Variants in TCF3 observed in about 807,000 individuals in gnomAD.
TCF3 encodes transcription factor E2-alpha.
TCF3 carries 54 observed loss-of-function variants against 72.3 expected under a neutral mutation model. The observed-to-expected ratio is 0.75, with a 90% CI of 0.60 to 0.94. The LOEUF (loss-of-function observed/expected upper bound fraction) is 0.94, where lower values mean the gene tolerates loss of function less well. Among genes scored for constraint, TCF3 ranks in the 40% least tolerant of loss-of-function variants. The pLI, the probability that TCF3 is intolerant of heterozygous loss-of-function variation, is 0.00. For missense variants in TCF3, 1,078 were observed against 934.4 expected (o/e 1.15, Z -2.00); for synonymous variants, 525 against 412.6 (o/e 1.27, Z -3.30).
At chr19:1,647,933 G>A (rs1428164181) in intron 2 of TCF3, among the ~76,000 whole-genome samples, 2 of 152,176 alleles carry the variant, frequency 1.3e-5, no homozygotes. Context: ...TCTCGCACGC[G>A]GCAGGGCCTG....
chr19:1,635,083 G>A (rs539917039), intron 3 of TCF3, among the ~76,000 whole-genome samples: 2 of 152,314 alleles, frequency 1.3e-5, no homozygotes, highest in African/African-American at 4.8e-5. Flanking sequence ...AAAACTATTG[G>A]TGGACACGGG....
chr19:1,622,640 G>A (rs994235044), intron 8 of TCF3, among the ~76,000 whole-genome samples: 2 of 151,792 alleles, frequency 1.3e-5, no homozygotes, highest in African/African-American at 2.4e-5. Flanking sequence ...CCCACCTCCC[G>A]CCTCCCTGAA....
chr19:1,618,771 C>T (rs2145974133), intron 16 of TCF3, among the ~76,000 whole-genome samples: 1 of 152,358 alleles, frequency 6.6e-6, no homozygotes, highest in Non-Finnish European at 1.5e-5. Context: ...TCCCTGGCAC[C>T]TGTACTGTGC....
chr19:1,627,557 T>C (rs975544455), intron 5 of TCF3, 131 bp from the exon 6 acceptor site: 357 of 779,952 alleles, frequency 4.6e-4, no homozygotes, highest in Admixed American at 9.0e-4. Flanking sequence ...GGCAGGATGC[T>C]GGCAGAGCCT....
At chr19:1,650,485 C>T in intron 1 of TCF3, 198 bp from the exon 2 acceptor site, 1 of 522,900 alleles carries the variant, frequency 1.9e-6, no homozygotes, top group Non-Finnish European at 3.4e-6. Flanking sequence ...AGTCTAGGTC[C>T]CTGCAGAGTC....
In TCF3 at chr19:1,646,420, G is replaced by C; in HGVS notation, c.80C>G (p.Pro27Arg). The C allele has an allele frequency of 1.3e-6, 2 of 1,550,182 alleles. No individual in the cohort carries two copies. The highest frequency in any genetic ancestry group is 2.7e-5 in the African/African-American group (2 of 73,118). Residue 27 changes from proline (P) to arginine (R), a missense_variant, in exon 3 of 19, where the codon CCG (proline) becomes CGG (arginine). Transcript: ENST00000262965. ...SDLLDFSMMFPLPVTNGKGRP... is the reference protein window; with the variant it reads ...SDLLDFSMMFRLPVTNGKGRP... ...GCCCTTCCCGTTGGTGACAGGCAGC[G>C]GGAACATCTGCAGGGAGGGGAGGGG...
intron 11 of TCF3, 83 bp downstream of exon 11, chr19:1,621,755 G>A: frequency 2.8e-6 from 4 of 1,451,596 alleles, no homozygotes; most frequent in Non-Finnish European, 3.6e-6. Context: ...CGCCTCCCGT[G>A]GAGTCCTCGC....
intron 3 of TCF3, among the ~76,000 whole-genome samples, chr19:1,639,930 AAG>A (rs2065003966): frequency 6.6e-6 from 1 of 152,146 alleles, no homozygotes; most frequent in Non-Finnish European, 1.5e-5. Context: ...AAACTTTAGA[AAG>A]AGAAGAAATG....
intron 7 of TCF3, among the ~76,000 whole-genome samples, chr19:1,624,766 C>G (rs11673096): frequency 0.12 from 17,759 of 152,254 alleles, 1,154 homozygotes; most frequent in South Asian, 0.28. Context: ...GAACAGAGGC[C>G]TCCTCCCGCA....
chr19:1,646,452 G>A (rs1309375078), intron 2 of TCF3, 25 bp from the exon 3 acceptor site: 3 of 1,545,488 alleles, frequency 1.9e-6, no homozygotes, highest in Admixed American at 3.9e-5. Flanking sequence ...GGGGAGACGT[G>A]AGCGGGGCGG....
chr19:1,642,296 A>G (rs1167071204), intron 3 of TCF3, among the ~76,000 whole-genome samples: 1 of 151,220 alleles, frequency 6.6e-6, no homozygotes, highest in Non-Finnish European at 1.5e-5. Context: ...GCACACGCAC[A>G]GACACACACC....
intron 12 of TCF3, 21 bp from the exon 13 acceptor site, chr19:1,621,067 G>A (rs2062142102): frequency 5.2e-6 from 8 of 1,524,804 alleles, no homozygotes; most frequent in African/African-American, 1.4e-5. Flanking sequence ...GACCAGGAGA[G>A]ATGGGCGGTC....
Position 1,621,703 on chromosome 19 carries a change from G to C in TCF3, c.955+135C>G, listed in dbSNP as rs547341742. On this transcript the variant is annotated intron_variant, in intron 11 of 18. Coordinates refer to ENST00000262965, the MANE Select transcript of TCF3 (RefSeq NM_003200.5). ...AGGCCCTGCAGACAGCGGACAATGA[G>C]AACTGACAACAACCCGCTCTCAGGG... 2.1e-4 allele frequency: 256 copies of C among 1,210,898 alleles called. No homozygotes were observed. The African/African-American group carries it at 3.5e-3, about 17-fold the overall frequency. The allele number at this position is 1,210,898 out of a possible 1,614,324, so 75.0% of individuals were successfully genotyped here. A position where few individuals can be genotyped will look rare whatever the true frequency, so the allele number is the denominator to read the frequency against.
intron 3 of TCF3, among the ~76,000 whole-genome samples, chr19:1,645,643 C>T (rs557154390): frequency 1.1e-3 from 160 of 152,330 alleles, no homozygotes; most frequent in Non-Finnish European, 1.7e-3. Flanking sequence ...TTTGGGGCAA[C>T]CTGGCCCTCG....
intron 1 of TCF3, chr19:1,650,724 G>A (rs1487083089): frequency 2.6e-5 from 6 of 233,074 alleles, no homozygotes; most frequent in Admixed American, 2.3e-4. Context: ...ACCCCGCCCC[G>A]AGGGAAATTT....
At chr19:1,624,653 C>G (rs774311714) in intron 7 of TCF3, among the ~76,000 whole-genome samples, 7 of 152,256 alleles carry the variant, frequency 4.6e-5, no homozygotes, top group Non-Finnish European at 8.8e-5. Flanking sequence ...GGATAAAATC[C>G]GTAACCCGGA....
At chr19:1,649,432 A>G (rs2066653167) in intron 2 of TCF3, among the ~76,000 whole-genome samples, 1 of 152,094 alleles carries the variant, frequency 6.6e-6, no homozygotes, top group South Asian at 2.1e-4. Flanking sequence ...TTCTTTGAGG[A>G]AGGATCTTAC....
At chr19:1,636,046 G>A (rs2064355406) in intron 3 of TCF3, among the ~76,000 whole-genome samples, 1 of 152,240 alleles carries the variant, frequency 6.6e-6, no homozygotes, top group African/African-American at 2.4e-5. Context: ...GGCCCCTGCA[G>A]CTTGTGATGC....
chr19:1,618,204 C>T (rs1376962548), intron 16 of TCF3, among the ~76,000 whole-genome samples: 1 of 152,110 alleles, frequency 6.6e-6, no homozygotes, highest in Non-Finnish European at 1.5e-5. Flanking sequence ...ATCCCAGAGC[C>T]ACCCTGCCTT....
Sources: allele counts gnomAD v4.1 joint callset (sites outside exome capture counted in the v4.1 genomes callset), GRCh38; gene constraint gnomAD v4.1.1; transcripts MANE v1.5; gene names NCBI Gene and HGNC (gene_info 2026-07-23, HGNC 2026-07-21).